OSBPL5: variants seen among roughly 807,000 people sequenced by gnomAD.
OSBPL5 encodes the protein oxysterol binding protein like 5.
A neutral mutation model predicts 111.2 loss-of-function variants in OSBPL5; 71 were observed. The ratio of observed to expected loss-of-function variants is 0.64; its 90% confidence interval spans 0.53 to 0.78. The LOEUF is 0.78. OSBPL5 is among the 30% of genes least tolerant of loss of function. The pLI is 0.00. For synonymous variants in OSBPL5, 549 were observed against 513.9 expected, an observed-to-expected ratio of 1.07 and a Z score of -0.93; for missense variants, 1,210 against 1,189.3, an observed-to-expected ratio of 1.02 and a Z score of -0.26.
chr11:3,157,912 TCAG>T (rs1846830786), intron 1 of OSBPL5, among the ~76,000 whole-genome samples: 1 of 152,166 alleles, frequency 6.6e-6, no homozygotes, highest in Non-Finnish European at 1.5e-5. Flanking sequence ...CCGTGTGTGT[TCAG>T]CAGCACACTG....
intron 1 of OSBPL5, among the ~76,000 whole-genome samples, chr11:3,138,494 G>A (rs1053978400): frequency 2.6e-5 from 4 of 152,234 alleles, no homozygotes; most frequent in Non-Finnish European, 5.9e-5. Context: ...GCAGGGGCCT[G>A]CTGGGATTGT....
Position 3,092,996 on chromosome 11 carries a change from T to C in OSBPL5, c.2003A>G (p.Gln668Arg). The change falls in exon 18 of 22, where the codon CAG becomes CGG. Residue 668 changes from glutamine (Q) to arginine (R), a missense_variant. Gln to Arg is a conservative substitution (Grantham distance 43). Coordinates refer to ENST00000263650, the MANE Select transcript of OSBPL5 (RefSeq NM_020896.4). The surrounding 1 kb of genome is among the most constrained non-coding windows in gnomAD (Gnocchi z 5.4). ...TGCCTCCTCCAGTGCAAACTTCTCCTGTGTGGCCCTGTGCTGGTCGCCCTT... is the reference window on the plus strand; with the variant it reads ...TGCCTCCTCCAGTGCAAACTTCTCCCGTGTGGCCCTGTGCTGGTCGCCCTT... The part of the protein sequence containing the change: ...ISKGDQHRAT[Q>R]EKFALEEAQR... 2 of 1,605,682 alleles carry C rather than the reference T, an allele frequency of 1.2e-6. No homozygotes were observed. Among genetic ancestry groups the C allele is most frequent in the East Asian group, 2.2e-5 (1 of 44,648 alleles).
intron 14 of OSBPL5, among the ~76,000 whole-genome samples, chr11:3,095,471 A>C (rs1482382264): frequency 6.6e-6 from 1 of 152,196 alleles, no homozygotes; most frequent in African/African-American, 2.4e-5. Flanking sequence ...AGGTGCACAC[A>C]TGGTCAGGGC....
intron 1 of OSBPL5, among the ~76,000 whole-genome samples, chr11:3,144,144 G>T (rs1355487514): frequency 1.3e-5 from 2 of 152,174 alleles, no homozygotes; most frequent in Non-Finnish European, 2.9e-5. Context: ...GGTTCAAGCA[G>T]GCTGCATCAG....
chr11:3,152,567 G>A (rs1344619406), intron 1 of OSBPL5, among the ~76,000 whole-genome samples: 3 of 152,182 alleles, frequency 2.0e-5, no homozygotes, highest in Non-Finnish European at 4.4e-5. Flanking sequence ...TGGAACAGCA[G>A]CGGGGGCCTG....
intron 1 of OSBPL5, among the ~76,000 whole-genome samples, chr11:3,151,627 C>T (rs1471917093): frequency 6.6e-6 from 1 of 152,158 alleles, no homozygotes; most frequent in Admixed American, 6.5e-5. Context: ...TCCCCCACGG[C>T]ACAAAAAAAC....
At chr11:3,125,003 T>A (rs892932646) in intron 3 of OSBPL5, among the ~76,000 whole-genome samples, 8 of 152,146 alleles carry the variant, frequency 5.3e-5, no homozygotes, top group African/African-American at 1.9e-4. Flanking sequence ...GACCCTTGGG[T>A]CTGGTCACTG....
At chr11:3,090,059 AC>A in intron 20 of OSBPL5, 111 bp from the exon 21 acceptor site, 1 of 744,518 alleles carries the variant, frequency 1.3e-6, no homozygotes, top group African/African-American at 1.8e-5. Flanking sequence ...TCGGGCCTCC[AC>A]CCCACCTCAT....
intron 14 of OSBPL5, 109 bp from the exon 15 acceptor site, chr11:3,094,443 A>T: frequency 1.2e-6 from 1 of 811,046 alleles, no homozygotes; most frequent in Non-Finnish European, 2.0e-6. Context: ...ACCCAGCAGC[A>T]CCGATCCCTG....
chr11:3,116,852 C>T (rs1287075115), intron 7 of OSBPL5, among the ~76,000 whole-genome samples: 1 of 60,418 alleles, frequency 1.7e-5, no homozygotes, highest in Non-Finnish European at 2.9e-5. Flanking sequence ...GAGACTCCAT[C>T]ACAAAAAAAA....
rs775876459 is a variant in OSBPL5, at chr11:3,093,825, C to T, written c.1730G>A (p.Gly577Glu). Residue 577 changes from glycine (G) to glutamate (E), a missense_variant, in exon 16 of 22, where the codon GGG becomes GAG. Physicochemically the swap from Gly to Glu is moderately conservative, Grantham distance 98. Coordinates refer to ENST00000263650, the MANE Select transcript of OSBPL5 (RefSeq NM_020896.4). The part of the protein sequence containing the change: ...QLEFKLKPFF[G>E]GSTSINQISG... ...GATCTGGTTGATGCTGGTGCTACCC[C>T]CGAAGAAGGGCTGCGGGGCCACACC... is the stretch of plus-strand genomic sequence containing the variant. 19 of 1,611,940 alleles carry T rather than the reference C, an allele frequency of 1.2e-5. No homozygotes were observed. The highest frequency in any genetic ancestry group is 4.5e-5 in the East Asian group (2 of 44,866).
chr11:3,103,151 G>T, intron 11 of OSBPL5, 88 bp downstream of exon 11: 1 of 1,185,948 alleles, frequency 8.4e-7, no homozygotes, highest in Admixed American at 2.4e-5. Context: ...GGGGTGGCCC[G>T]GGGACTCAGG....
chr11:3,135,801 C>A (rs1163667593), intron 1 of OSBPL5, among the ~76,000 whole-genome samples: 1 of 152,182 alleles, frequency 6.6e-6, no homozygotes, highest in Non-Finnish European at 1.5e-5. Context: ...ACCACAGGCA[C>A]CTCCTGGTCC....
At position 3,126,645 on chromosome 11, in the gene OSBPL5, G is replaced by T. The variant is rs555312228; in HGVS notation, c.137-90C>A. ...GCCTGGTGTGAGGCAGGCGAAGCGTGGGTGCGGATGACCTGGGAGGGGCAG... is the reference window on the plus strand; with the variant it reads ...GCCTGGTGTGAGGCAGGCGAAGCGTTGGTGCGGATGACCTGGGAGGGGCAG... On this transcript the variant is annotated intron_variant, in intron 2 of 21. Transcript: ENST00000263650. This position sits in a 1 kb window ranked among gnomAD's most constrained non-coding sequence, Gnocchi z 6.5. The T allele has an allele frequency of 6.5e-5, 75 of 1,145,546 alleles. No individual in the cohort carries two copies. In the African/African-American group the frequency reaches 9.3e-4, roughly 14 times the overall value. The allele number at this position is 1,145,546 out of a possible 1,614,324, so 71.0% of individuals were successfully genotyped here. A position where few individuals can be genotyped will look rare whatever the true frequency, so the allele number is the denominator to read the frequency against.
intron 1 of OSBPL5, among the ~76,000 whole-genome samples, chr11:3,147,596 G>A (rs1388806846): frequency 6.6e-6 from 1 of 152,278 alleles, no homozygotes; most frequent in Non-Finnish European, 1.5e-5. Flanking sequence ...GGCGCCAAGT[G>A]CTCACGTGTC....
intron 1 of OSBPL5, among the ~76,000 whole-genome samples, chr11:3,159,211 T>C (rs1423939365): frequency 1.3e-5 from 2 of 152,168 alleles, no homozygotes; most frequent in Non-Finnish European, 2.9e-5. Flanking sequence ...GAGACAGGTA[T>C]GTTCTTGAGG....
In OSBPL5 at chr11:3,107,994, C is replaced by T; in HGVS notation, c.692-49G>A. ...TGCCCCACCCCCACCTCTGTATATC[C>T]CGCATCCCCCAAGGGGCCACCAGGA... On this transcript the variant is annotated intron_variant, in intron 7 of 21. Transcript: ENST00000263650. The surrounding 1 kb of genome is among the most constrained non-coding windows in gnomAD (Gnocchi z 6.1). 2 of 1,579,864 alleles carry T rather than the reference C, an allele frequency of 1.3e-6. No individual in the cohort carries two copies. Among genetic ancestry groups the T allele is most frequent in the Non-Finnish European group, 1.7e-6 (2 of 1,170,332 alleles).
chr11:3,159,729 T>C (rs4758544), intron 1 of OSBPL5, among the ~76,000 whole-genome samples: 24,556 of 151,772 alleles, frequency 0.16, 2,245 homozygotes, highest in Admixed American at 0.19. Flanking sequence ...ACTATCTGAG[T>C]CAGGGAGATG....
chr11:3,116,100 A>G (rs538453496), intron 7 of OSBPL5, among the ~76,000 whole-genome samples: 7 of 152,306 alleles, frequency 4.6e-5, no homozygotes, highest in African/African-American at 1.7e-4. Context: ...TATTTGGTAT[A>G]AAAAATTATA....
Sources: allele counts gnomAD v4.1 joint callset (sites outside exome capture counted in the v4.1 genomes callset), GRCh38; gene constraint gnomAD v4.1.1; non-coding constraint Gnocchi (gnomAD v3.1); transcripts MANE v1.5; gene names NCBI Gene and HGNC (gene_info 2026-07-23, HGNC 2026-07-21).